Variants in SGCZ observed in about 807,000 individuals in gnomAD.
SGCZ encodes zeta-sarcoglycan.
A neutral mutation model predicts 41.3 loss-of-function variants in SGCZ; 40 were observed. The ratio of observed to expected loss-of-function variants is 0.97; its 90% CI spans 0.75 to 1.26. The LOEUF is 1.26. Among genes scored for constraint, SGCZ ranks in the 50% most tolerant of loss-of-function variants. The probability of loss-of-function intolerance (pLI) is 0.00; values close to 1 mark genes in which losing one functional copy is unlikely to be tolerated. For missense variants in SGCZ, 552 were observed against 369.8 expected (o/e 1.49, Z -4.04); for synonymous variants, 206 against 137.5 (o/e 1.50, Z -3.49).
At chr8:14,739,635 C>T (rs1213500379) in intron 1 of SGCZ, among the ~76,000 whole-genome samples, 1 of 151,942 alleles carries the variant, frequency 6.6e-6, no homozygotes, top group South Asian at 2.1e-4. Context: ...TATTAGTCTT[C>T]CTTTTAGAAA....
At chr8:14,531,649 A>G (rs1380792438) in intron 2 of SGCZ, among the ~76,000 whole-genome samples, 1 of 152,070 alleles carries the variant, frequency 6.6e-6, no homozygotes, top group African/African-American at 2.4e-5. Flanking sequence ...GAAGATAATG[A>G]AGAGTAACTT....
At position 14,689,314 on chromosome 8, in the gene SGCZ, T is replaced by C. The variant is rs550373355; in HGVS notation, c.40-134388A>G. ...GGTAAAATCACAGGCATTTGAAAAC[T>C]TTTAATTAATGAAATAATTTTATGA... is the stretch of plus-strand genomic sequence containing the variant. On this transcript the variant is annotated intron_variant, in intron 1 of 7. Transcript: ENST00000382080. Among the ~76,000 whole-genome samples the C allele has an allele frequency of 2.6e-5, 4 of 152,236 alleles. 1 individual carries two copies. Among genetic ancestry groups the C allele is most frequent in the African/African-American group, 2.4e-5 (1 of 41,580 alleles).
intron 1 of SGCZ, among the ~76,000 whole-genome samples, chr8:14,847,422 T>C (rs904355673): frequency 4.0e-5 from 6 of 151,846 alleles, no homozygotes; most frequent in African/African-American, 1.5e-4. Flanking sequence ...TGGATAACAA[T>C]ATATGAGTAA....
At chr8:14,701,451 C>T (rs1809133853) in intron 1 of SGCZ, among the ~76,000 whole-genome samples, 1 of 151,892 alleles carries the variant, frequency 6.6e-6, no homozygotes, top group South Asian at 2.1e-4. Flanking sequence ...AGCCTCAGCC[C>T]TGCTTCAATT....
intron 1 of SGCZ, among the ~76,000 whole-genome samples, chr8:14,600,250 A>C (rs894546879): frequency 4.6e-5 from 7 of 151,654 alleles, no homozygotes; most frequent in African/African-American, 1.5e-4. Context: ...CCCAGGCTCT[A>C]CTCCCTTGAG....
intron 1 of SGCZ, among the ~76,000 whole-genome samples, chr8:15,019,419 C>G (rs750101436): frequency 6.6e-6 from 1 of 152,102 alleles, no homozygotes; most frequent in Admixed American, 6.5e-5. Context: ...ATATGTTAGG[C>G]TGATTTCTGA....
intron 1 of SGCZ, among the ~76,000 whole-genome samples, chr8:14,702,778 T>TAGACAGAC (rs74273422): frequency 1.7e-5 from 2 of 115,098 alleles, no homozygotes; most frequent in African/African-American, 2.9e-5. Flanking sequence ...GATAGATAGA[T>TAGACAGAC]AGACAGACAG....
At chr8:14,281,456 T>G (rs1800434977) in intron 3 of SGCZ, among the ~76,000 whole-genome samples, 1 of 102,822 alleles carries the variant, frequency 9.7e-6, no homozygotes, top group Non-Finnish European at 2.7e-5. Flanking sequence ...GATTCTTAAT[T>G]TTTTTATATC....
chr8:14,245,454 T>C (rs1245187582), intron 3 of SGCZ, among the ~76,000 whole-genome samples: 1 of 152,158 alleles, frequency 6.6e-6, no homozygotes, highest in Admixed American at 6.5e-5. Flanking sequence ...TCAAGATGGA[T>C]TAAAGACTTA....
chr8:14,337,178 A>G (rs1802533568), intron 2 of SGCZ, among the ~76,000 whole-genome samples: 1 of 152,138 alleles, frequency 6.6e-6, no homozygotes, highest in Non-Finnish European at 1.5e-5. Flanking sequence ...TTGATGGAAG[A>G]CATGCAGAAG....
At chr8:14,187,733 T>C (rs1017609227) in intron 4 of SGCZ, among the ~76,000 whole-genome samples, 10 of 152,092 alleles carry the variant, frequency 6.6e-5, no homozygotes, top group Non-Finnish European at 1.5e-5. Flanking sequence ...GTGTGTGTAA[T>C]AGGAATACCG....
chr8:15,221,486 A>G (rs1422737845), intron 1 of SGCZ, among the ~76,000 whole-genome samples: 1 of 152,176 alleles, frequency 6.6e-6, no homozygotes, highest in Non-Finnish European at 1.5e-5. Flanking sequence ...TTAGTTTCCA[A>G]ATTTTCACTG....
At chr8:14,265,662 C>A (rs1447616268) in intron 3 of SGCZ, among the ~76,000 whole-genome samples, 1 of 151,548 alleles carries the variant, frequency 6.6e-6, no homozygotes, top group Non-Finnish European at 1.5e-5. Context: ...GCAAACTGCA[C>A]CCTTTGTTTC....
At chr8:14,114,256 G>A (rs1055099727) in intron 5 of SGCZ, among the ~76,000 whole-genome samples, 5 of 151,968 alleles carry the variant, frequency 3.3e-5, no homozygotes, top group Non-Finnish European at 7.4e-5. Flanking sequence ...ATAATTGATA[G>A]GTAAAACATG....
chr8:15,037,510 T>G (rs1001619965), intron 1 of SGCZ, among the ~76,000 whole-genome samples: 1 of 152,196 alleles, frequency 6.6e-6, no homozygotes, highest in Non-Finnish European at 1.5e-5. Context: ...AACCTACAGC[T>G]TATGTTATAC....
At chr8:14,887,625 C>G (rs1332619594) in intron 1 of SGCZ, among the ~76,000 whole-genome samples, 1 of 152,000 alleles carries the variant, frequency 6.6e-6, no homozygotes, top group African/African-American at 2.4e-5. Context: ...CATATAAAAA[C>G]TATGAATAAT....
At chr8:14,245,409 T>G (rs1274254737) in intron 3 of SGCZ, among the ~76,000 whole-genome samples, 2 of 152,186 alleles carry the variant, frequency 1.3e-5, no homozygotes, top group Non-Finnish European at 2.9e-5. Flanking sequence ...AAGCTGAAAC[T>G]GCATCCCTTC....
chr8:14,479,754 T>TTTTA (rs1801479176), intron 2 of SGCZ, among the ~76,000 whole-genome samples: 1 of 69,436 alleles, frequency 1.4e-5, no homozygotes, highest in Non-Finnish European at 3.6e-5. Context: ...TTTTTTTTTT[T>TTTTA]TTTTTTTATT....
At chr8:14,400,331 G>C (rs563504648) in intron 2 of SGCZ, among the ~76,000 whole-genome samples, 1 of 152,204 alleles carries the variant, frequency 6.6e-6, no homozygotes, top group African/African-American at 2.4e-5. Flanking sequence ...GCATGAACAA[G>C]ATTTTGTGTG....
Sources: allele counts gnomAD v4.1 joint callset (sites outside exome capture counted in the v4.1 genomes callset), GRCh38; gene constraint gnomAD v4.1.1; transcripts MANE v1.5; gene names NCBI Gene and HGNC (gene_info 2026-07-23, HGNC 2026-07-21).